Variants in ZBTB25 observed in about 807,000 individuals in gnomAD.
ZBTB25 encodes the protein zinc finger and BTB domain containing 25.
Under a neutral mutation model 34.2 loss-of-function variants are expected in ZBTB25, and 20 were observed. That is an observed-to-expected ratio of 0.58 (90% confidence interval 0.41 to 0.85). The LOEUF (loss-of-function observed/expected upper bound fraction) is 0.85, where lower values mean the gene tolerates loss of function less well. Among genes scored for constraint, ZBTB25 ranks in the 40% least tolerant of loss-of-function variants. The probability of loss-of-function intolerance (pLI) is 0.00; values close to 1 mark genes in which losing one functional copy is unlikely to be tolerated. For missense variants in ZBTB25, 437 were observed against 521.8 expected (o/e 0.84, Z 1.58); for synonymous variants, 175 against 186.4 (o/e 0.94, Z 0.50).
In ZBTB25 at chr14:64,486,629, A is replaced by C; in HGVS notation, c.*294T>G. The C allele has an allele frequency of 1.0e-6, 1 of 980,530 alleles. No individual in the cohort carries two copies. The highest frequency in any genetic ancestry group is 1.2e-6 in the Non-Finnish European group (1 of 804,318). 60.7% of individuals were successfully genotyped at this position (980,530 alleles called of 1,614,324 possible). A position where few individuals can be genotyped will look rare whatever the true frequency, so the allele number is the denominator to read the frequency against. ...TTTTACTGATTCTATAACTGGAAAA[A>C]CTTAGAATTCTATAAATAACTATTT... On this transcript the variant is annotated 3_prime_UTR_variant, in exon 3 of 3. Coordinates refer to ENST00000608382, the MANE Select transcript of ZBTB25 (RefSeq NM_006977.5).
At chr14:64,502,934 G>A in intron 1 of ZBTB25, 1 of 985,474 alleles carries the variant, frequency 1.0e-6, no homozygotes, top group Non-Finnish European at 1.2e-6. Context: ...CAACAGCTCT[G>A]CCAGGACTTG....
In ZBTB25 at chr14:64,485,444, T is replaced by A. The variant is rs1435466064; in HGVS notation, c.*1479A>T. 2 of 985,260 alleles carry A rather than the reference T, an allele frequency of 2.0e-6. No individual in the cohort carries two copies. The highest frequency in any genetic ancestry group is 3.5e-5 in the African/African-American group (2 of 57,254). 61.0% of individuals were successfully genotyped at this position (985,260 alleles called of 1,614,324 possible). ...ACATTTCAGAAACAATTTAGATCTATCCTTTGTGGTGAAGCTTAACCAGCT... is the reference window on the plus strand; with the variant it reads ...ACATTTCAGAAACAATTTAGATCTAACCTTTGTGGTGAAGCTTAACCAGCT... On this transcript the variant is annotated 3_prime_UTR_variant, in exon 3 of 3. Transcript: ENST00000608382.
intron 2 of ZBTB25, chr14:64,469,430 G>C (rs2078644732): frequency 6.2e-7 from 1 of 1,613,044 alleles, no homozygotes; most frequent in South Asian, 1.1e-5. Flanking sequence ...TACAGACACT[G>C]AAATCAGTGA....
At position 64,490,447 on chromosome 14, in the gene ZBTB25, T is replaced by G; in HGVS notation, c.87A>C (p.Ala29=). The change falls in exon 2 of 3, where the codon GCA becomes GCC. Residue 29 remains alanine, a synonymous_variant. Transcript: ENST00000608382. ...EFGFLCDCTV[A]IGDVYFKAHR... ...GGGCTTTGAAGTAAACATCTCCAATTGCAACTGTGCAATCACACAGAAAAC... is the reference window on the plus strand; with the variant it reads ...GGGCTTTGAAGTAAACATCTCCAATGGCAACTGTGCAATCACACAGAAAAC... 4 of 1,613,892 alleles carry G rather than the reference T, an allele frequency of 2.5e-6. No individual in the cohort carries two copies. The highest frequency in any genetic ancestry group is 3.4e-6 in the Non-Finnish European group (4 of 1,179,880).
At chr14:64,495,588 C>T (rs1477892825) in intron 1 of ZBTB25, among the ~76,000 whole-genome samples, 1 of 152,236 alleles carries the variant, frequency 6.6e-6, no homozygotes, top group East Asian at 1.9e-4. Flanking sequence ...GAAGCTTATT[C>T]ATTGCTGTTC....
At position 64,478,279 on chromosome 14, in the gene ZBTB25, AT is replaced by A. The variant is rs2078738452; in HGVS notation, c.*8643del. 2 of 152,210 alleles carry A rather than the reference AT, an allele frequency of 1.3e-5. No individual in the cohort carries two copies. Among genetic ancestry groups the A allele is most frequent in the South Asian group, 4.1e-4 (2 of 4,822 alleles). The allele number at this position is 152,210 out of a possible 1,614,324, so 9.4% of individuals were successfully genotyped here. The stretch of plus-strand genomic sequence containing the variant: ...AGAAATGAAGGGGGAGGCAGGCTGT[AT>A]TCACTTAGTATTGGAAGGTGAGAAG... On this transcript the variant is annotated 3_prime_UTR_variant, in exon 3 of 3. Coordinates refer to ENST00000608382, the MANE Select transcript of ZBTB25 (RefSeq NM_006977.5).
intron 2 of ZBTB25, among the ~76,000 whole-genome samples, chr14:64,451,947 A>G (rs1469580233): frequency 6.6e-6 from 1 of 152,186 alleles, no homozygotes; most frequent in African/African-American, 2.4e-5. Context: ...ATAAATTATC[A>G]TTGTTTAGTT....
In ZBTB25 at chr14:64,487,734, G is replaced by T; in HGVS notation, c.497C>A (p.Pro166His). Reference protein sequence around the residue: ...GNRAAVQGDHPQLQLSLAIGL... With the variant: ...GNRAAVQGDHHQLQLSLAIGL... ...AATAGCAAGAGACAACTGCAACTGG[G>T]GGTGGTCACCCTGGACAGCAGCTCT... The change falls in exon 3 of 3, where the codon CCC becomes CAC. Residue 166 changes from proline (P) to histidine (H), a missense_variant. Coordinates refer to ENST00000608382, the MANE Select transcript of ZBTB25 (RefSeq NM_006977.5). 6.2e-7 allele frequency: 1 copy of T among 1,614,054 alleles called. No individual in the cohort carries two copies. Among genetic ancestry groups the T allele is most frequent in the Non-Finnish European group, 8.5e-7 (1 of 1,180,014 alleles).
chr14:64,468,117 C>A lies in ZBTB25; in HGVS notation c.174-18479G>T, dbSNP rs367876980. The A allele has an allele frequency of 6.1e-5, 13 of 211,732 alleles. No homozygotes were observed. The East Asian group carries it at 7.4e-4, about 12-fold the overall frequency. The allele number at this position is 211,732 out of a possible 1,614,324, so 13.1% of individuals were successfully genotyped here. A position where few individuals can be genotyped will look rare whatever the true frequency, so the allele number is the denominator to read the frequency against. ...TCATAGTGAAATAAAATACCACTTT[C>A]TTTTCTCTCATCAGGTTGATCTTTA... On this transcript the variant is annotated intron_variant, in intron 2 of 2. Transcript: ENST00000555220.
At chr14:64,462,713 C>G (rs1420219801) in intron 2 of ZBTB25, 1 of 152,172 alleles carries the variant, frequency 6.6e-6, no homozygotes, top group Non-Finnish European at 1.5e-5. Flanking sequence ...CCACATTAAA[C>G]AGATTGCAAC....
At chr14:64,503,507 T>C (rs903939285) in intron 1 of ZBTB25, 154 bp downstream of exon 1, 1 of 985,284 alleles carries the variant, frequency 1.0e-6, no homozygotes, top group Non-Finnish European at 1.2e-6. Flanking sequence ...TCCTGTGCCC[T>C]GCCTGACATC....
At chr14:64,449,839 A>G (rs1403325004) in intron 2 of ZBTB25, among the ~76,000 whole-genome samples, 1 of 152,212 alleles carries the variant, frequency 6.6e-6, no homozygotes, top group Non-Finnish European at 1.5e-5. Flanking sequence ...CCCAGGCTCG[A>G]GTGCAGAGGC....
At chr14:64,496,686 C>T (rs2079289824) in intron 1 of ZBTB25, among the ~76,000 whole-genome samples, 1 of 152,118 alleles carries the variant, frequency 6.6e-6, no homozygotes, top group South Asian at 2.1e-4. Context: ...ATTTTGCAAT[C>T]CTCTTTAATA....
chr14:64,458,463 T>C (rs1021970875), intron 2 of ZBTB25: 2 of 687,720 alleles, frequency 2.9e-6, no homozygotes, highest in Non-Finnish European at 2.7e-6. Context: ...GTAATGAGAG[T>C]TGGCAATAAC....
upstream of ZBTB25, chr14:64,504,715 G>T (rs1244927572): frequency 1.1e-5 from 4 of 371,552 alleles, no homozygotes; most frequent in Non-Finnish European, 1.9e-5. Flanking sequence ...CCGCGTAAGC[G>T]GGGCCGGCTC....
chr14:64,490,640 G>A, intron 1 of ZBTB25, 100 bp from the exon 2 acceptor site: 1 of 1,053,562 alleles, frequency 9.5e-7, no homozygotes, highest in Non-Finnish European at 1.3e-6. Context: ...AACCTACAGA[G>A]TAACAAGGAG....
At chr14:64,453,146 ATATATATTAATATGTGTATC>A (rs939242732) in intron 2 of ZBTB25, among the ~76,000 whole-genome samples, 1 of 152,024 alleles carries the variant, frequency 6.6e-6, no homozygotes, top group Non-Finnish European at 1.5e-5. Flanking sequence ...TAAAACCTTA[ATATATATTAATATGTGTATC>A]TATATCTATA....
chr14:64,456,920 T>C lies in ZBTB25; in HGVS notation c.174-7282A>G, dbSNP rs189835065. Among the ~76,000 whole-genome samples, 624 of 152,342 alleles carry C rather than the reference T, an allele frequency of 4.1e-3. 5 individuals are homozygous for C. The highest frequency in any genetic ancestry group is 0.014 in the African/African-American group (602 of 41,566). ...GCTGTTTTCCTGTCTAGATTTGATT[T>C]GGAACTTGTGTGTATTCATTATATA... On this transcript the variant is annotated intron_variant, in intron 2 of 2. Transcript: ENST00000555220.
chr14:64,503,000 T>C, intron 1 of ZBTB25: 1 of 985,434 alleles, frequency 1.0e-6, no homozygotes, highest in Non-Finnish European at 1.2e-6. Context: ...GGGCGCTAAC[T>C]GTTGAAACAT....
Sources: allele counts gnomAD v4.1 joint callset (sites outside exome capture counted in the v4.1 genomes callset), GRCh38; gene constraint gnomAD v4.1.1; transcripts MANE v1.5; gene names NCBI Gene and HGNC (gene_info 2026-07-23, HGNC 2026-07-21).